NR3C2: variants seen among roughly 807,000 people sequenced by gnomAD.
NR3C2 encodes mineralocorticoid receptor.
In NR3C2, 15 loss-of-function variants were observed where a neutral mutation model predicts 86.4. That is an observed-to-expected ratio of 0.17 (90% CI 0.12 to 0.27). The LOEUF (loss-of-function observed/expected upper bound fraction) is 0.27. Ranked by LOEUF, NR3C2 falls within the 10% of genes least tolerant of loss-of-function variation. The pLI is 1.00. For synonymous variants in NR3C2, 458 were observed against 450.5 expected, an observed-to-expected ratio of 1.02 and a Z score of -0.21; for missense variants, 960 against 1,195.6, an observed-to-expected ratio of 0.80 and a Z score of 2.91.
intron 7 of NR3C2, among the ~76,000 whole-genome samples, chr4:148,118,321 G>A (rs1261699158): frequency 6.6e-6 from 1 of 152,168 alleles, no homozygotes; most frequent in Non-Finnish European, 1.5e-5. Context: ...GTGGCCTTCT[G>A]TCGGGGTTAT....
chr4:148,277,392 T>C (rs1409021958), intron 2 of NR3C2, among the ~76,000 whole-genome samples: 1 of 152,102 alleles, frequency 6.6e-6, no homozygotes, highest in African/African-American at 2.4e-5. Flanking sequence ...AGTTAAACTA[T>C]TCAAATCTCT....
chr4:148,215,104 T>A (rs528976726), intron 3 of NR3C2, among the ~76,000 whole-genome samples: 1 of 152,140 alleles, frequency 6.6e-6, no homozygotes, highest in African/African-American at 2.4e-5. Flanking sequence ...TGCCTAAGCA[T>A]GAAAAACAAA....
intron 3 of NR3C2, among the ~76,000 whole-genome samples, chr4:148,197,783 C>T (rs1002075363): frequency 1.3e-5 from 2 of 152,074 alleles, no homozygotes; most frequent in African/African-American, 4.8e-5. Flanking sequence ...AAAATTTTGT[C>T]GTTTATATTT....
intron 2 of NR3C2, among the ~76,000 whole-genome samples, chr4:148,395,805 A>G (rs956504539): frequency 6.6e-6 from 1 of 152,206 alleles, no homozygotes; most frequent in African/African-American, 2.4e-5. Flanking sequence ...AACACTAAAT[A>G]TATCAGCTGA....
At chr4:148,137,546 G>A (rs953568015) in intron 6 of NR3C2, among the ~76,000 whole-genome samples, 20 of 152,040 alleles carry the variant, frequency 1.3e-4, no homozygotes, top group African/African-American at 4.6e-4. Flanking sequence ...TTGATTTTCC[G>A]GCATCTGATA....
chr4:148,205,172 G>C (rs1164567693), intron 3 of NR3C2, among the ~76,000 whole-genome samples: 1 of 152,324 alleles, frequency 6.6e-6, no homozygotes, highest in East Asian at 1.9e-4. Flanking sequence ...AAACCCAGAT[G>C]AGAGCAGATA....
chr4:148,398,872 C>T (rs1195776520), intron 2 of NR3C2, among the ~76,000 whole-genome samples: 2 of 152,068 alleles, frequency 1.3e-5, no homozygotes, highest in African/African-American at 4.8e-5. Context: ...TGTGCATGCG[C>T]ATGTTTGTGT....
At chr4:148,434,122 G>T (rs1431804063) in intron 2 of NR3C2, among the ~76,000 whole-genome samples, 1 of 152,084 alleles carries the variant, frequency 6.6e-6, no homozygotes, top group Non-Finnish European at 1.5e-5. Context: ...AATTTTTAAT[G>T]AAATAAAGGA....
At chr4:148,191,634 G>A (rs377744083) in intron 4 of NR3C2, among the ~76,000 whole-genome samples, 5 of 152,106 alleles carry the variant, frequency 3.3e-5, no homozygotes, top group Admixed American at 2.6e-4. Context: ...CTTACGTTTG[G>A]CTATTTAACT....
chr4:148,134,650 T>C, intron 6 of NR3C2, among the ~76,000 whole-genome samples: 1 of 126,918 alleles, frequency 7.9e-6, no homozygotes. Flanking sequence ...TCTCTTTTTT[T>C]TTTTTTTTTT....
At chr4:148,274,088 A>AG (rs922271329) in intron 2 of NR3C2, among the ~76,000 whole-genome samples, 1 of 130,496 alleles carries the variant, frequency 7.7e-6, no homozygotes, top group Admixed American at 7.3e-5. Flanking sequence ...AGCTCATGAG[A>AG]AAAAAAAAAA....
chr4:148,092,761 C>G (rs1425388994), intron 8 of NR3C2, among the ~76,000 whole-genome samples: 1 of 152,194 alleles, frequency 6.6e-6, no homozygotes, highest in Non-Finnish European at 1.5e-5. Flanking sequence ...ATGACTCCAT[C>G]CGCGTGCCAT....
At chr4:148,291,546 C>G (rs928573435) in intron 2 of NR3C2, among the ~76,000 whole-genome samples, 1 of 151,996 alleles carries the variant, frequency 6.6e-6, no homozygotes, top group East Asian at 1.9e-4. Flanking sequence ...AAATCCAATT[C>G]TCTTTCATTC....
intron 2 of NR3C2, among the ~76,000 whole-genome samples, chr4:148,264,967 G>A (rs778223662): frequency 6.6e-6 from 1 of 152,094 alleles, no homozygotes; most frequent in Admixed American, 6.6e-5. Context: ...ATGGTATTCT[G>A]CATCCCTCCA....
At chr4:148,083,992 C>T (rs750887502) in intron 8 of NR3C2, among the ~76,000 whole-genome samples, 5 of 152,092 alleles carry the variant, frequency 3.3e-5, no homozygotes, top group East Asian at 1.9e-4. Flanking sequence ...GAAAAAGAAA[C>T]GAACAAAGCC....
chr4:148,398,581 A>G (rs1243436712), intron 2 of NR3C2, among the ~76,000 whole-genome samples: 2 of 152,228 alleles, frequency 1.3e-5, no homozygotes, highest in African/African-American at 4.8e-5. Context: ...CCAAATTCAT[A>G]AATGAGAAAA....
intron 6 of NR3C2, among the ~76,000 whole-genome samples, chr4:148,132,965 G>A (rs918119699): frequency 3.3e-5 from 5 of 152,180 alleles, no homozygotes; most frequent in Non-Finnish European, 5.9e-5. Context: ...TTGGGAGGCT[G>A]AGGCAGACAG....
intron 8 of NR3C2, among the ~76,000 whole-genome samples, chr4:148,105,716 G>A (rs1194331121): frequency 1.3e-5 from 2 of 152,190 alleles, no homozygotes; most frequent in Non-Finnish European, 2.9e-5. Flanking sequence ...TGCAAGGCTG[G>A]TTCGACATAC....
intron 3 of NR3C2, among the ~76,000 whole-genome samples, chr4:148,207,799 C>T (rs1282424538): frequency 6.6e-6 from 1 of 152,066 alleles, no homozygotes; most frequent in Non-Finnish European, 1.5e-5. Context: ...ACAGATAGTA[C>T]CAAAATCTAT....
Sources: allele counts gnomAD v4.1 joint callset (sites outside exome capture counted in the v4.1 genomes callset), GRCh38; gene constraint gnomAD v4.1.1; transcripts MANE v1.5; gene names NCBI Gene and HGNC (gene_info 2026-07-23, HGNC 2026-07-21).